SNTB1: variants seen among roughly 807,000 people sequenced by gnomAD.
SNTB1 encodes beta-1-syntrophin.
Under a neutral mutation model 48.9 loss-of-function variants are expected in SNTB1, and 36 were observed. The ratio of observed to expected loss-of-function variants is 0.74; its 90% CI spans 0.56 to 0.97. The LOEUF is 0.97. Ranked by LOEUF, SNTB1 falls within the 50% of genes least tolerant of loss-of-function variation. The pLI is 0.00. For missense variants in SNTB1, 786 were observed against 703.4 expected (o/e 1.12, Z -1.33); for synonymous variants, 299 against 294.6 (o/e 1.01, Z -0.15).
intron 3 of SNTB1, among the ~76,000 whole-genome samples, chr8:120,618,760 C>T (rs975736948): frequency 2.0e-5 from 3 of 152,104 alleles, no homozygotes; most frequent in African/African-American, 7.2e-5. Flanking sequence ...CCTTTCAACC[C>T]AGTTATTATT....
chr8:120,671,983 CA>C (rs1817765748), intron 2 of SNTB1, among the ~76,000 whole-genome samples: 1 of 152,214 alleles, frequency 6.6e-6, no homozygotes, highest in Non-Finnish European at 1.5e-5. Context: ...GGTGCAAAAG[CA>C]ATGTGCATTC....
intron 1 of SNTB1, among the ~76,000 whole-genome samples, chr8:120,810,216 T>C (rs1039247236): frequency 6.6e-6 from 1 of 152,002 alleles, no homozygotes; most frequent in African/African-American, 2.4e-5. Context: ...GCTGAGTAAA[T>C]AGATAAAATA....
chr8:120,716,492 C>T (rs1036958979), intron 1 of SNTB1, among the ~76,000 whole-genome samples: 1 of 152,168 alleles, frequency 6.6e-6, no homozygotes, highest in Non-Finnish European at 1.5e-5. Flanking sequence ...GACATCTATT[C>T]CAGCAGCTGA....
In SNTB1 at chr8:120,563,496, T is replaced by G. The variant is rs145937773; in HGVS notation, c.1136+11590A>C. On this transcript the variant is annotated intron_variant, in intron 4 of 6. Coordinates refer to ENST00000517992, the MANE Select transcript of SNTB1 (RefSeq NM_021021.4). ...TTGGCAGTGGAAGAGGAGAGATGAC[T>G]GCTCGTAAACATCTCTGCATGGCAG... 1.5e-3 allele frequency among the ~76,000 whole-genome samples: 235 copies of G among 152,284 alleles called. 3 individuals are homozygous for G. The East Asian group carries it at 0.039, about 25-fold the overall frequency.
At chr8:120,674,141 A>G (rs1428853712) in intron 2 of SNTB1, among the ~76,000 whole-genome samples, 3 of 152,208 alleles carry the variant, frequency 2.0e-5, no homozygotes, top group Non-Finnish European at 4.4e-5. Flanking sequence ...ACCATTAAAA[A>G]ATCATTGCTG....
chr8:120,643,140 G>C (rs1817223872), intron 2 of SNTB1, among the ~76,000 whole-genome samples: 1 of 152,170 alleles, frequency 6.6e-6, no homozygotes, highest in South Asian at 2.1e-4. Context: ...CTTGCCATAT[G>C]AGCCTTTCCA....
intron 1 of SNTB1, among the ~76,000 whole-genome samples, chr8:120,707,282 A>T (rs1818393772): frequency 6.6e-6 from 1 of 152,200 alleles, no homozygotes; most frequent in Admixed American, 6.5e-5. Context: ...GTGCACACAC[A>T]AACACATCTT....
chr8:120,635,953 T>C, intron 2 of SNTB1: 2 of 545,024 alleles, frequency 3.7e-6, no homozygotes, highest in Non-Finnish European at 6.3e-6. Flanking sequence ...CTCCAAAGCT[T>C]TCAGATATGC....
intron 3 of SNTB1, among the ~76,000 whole-genome samples, chr8:120,578,703 G>C (rs1236278467): frequency 6.6e-6 from 1 of 152,192 alleles, no homozygotes; most frequent in Admixed American, 6.5e-5. Flanking sequence ...CAGAGCATGA[G>C]AGGAAAGGTT....
intron 1 of SNTB1, among the ~76,000 whole-genome samples, chr8:120,757,216 C>T (rs919814075): frequency 8.2e-5 from 12 of 145,680 alleles, no homozygotes; most frequent in Non-Finnish European, 1.3e-4. Context: ...ACAGATCTAT[C>T]GGGTTTCCCA....
chr8:120,690,050 G>T (rs2129850274), intron 2 of SNTB1, among the ~76,000 whole-genome samples: 1 of 150,234 alleles, frequency 6.7e-6, no homozygotes, highest in South Asian at 2.1e-4. Context: ...CATGGTTTCA[G>T]TTATCTGAGG....
intron 1 of SNTB1, among the ~76,000 whole-genome samples, chr8:120,802,978 A>G (rs1288577439): frequency 6.6e-6 from 1 of 152,016 alleles, no homozygotes; most frequent in Non-Finnish European, 1.5e-5. Flanking sequence ...CCTCTAAACC[A>G]CTGCACTAAC....
chr8:120,793,228 G>T (rs935268954), intron 1 of SNTB1, among the ~76,000 whole-genome samples: 1 of 151,950 alleles, frequency 6.6e-6, no homozygotes. Flanking sequence ...AGGAGAGGGT[G>T]GGGGAAAGAG....
intron 1 of SNTB1, among the ~76,000 whole-genome samples, chr8:120,719,247 G>A (rs1053474900): frequency 2.0e-5 from 3 of 152,086 alleles, no homozygotes; most frequent in Admixed American, 6.6e-5. Context: ...TGCCAGTGTC[G>A]CTAGAATATA....
At chr8:120,716,064 A>C (rs1176002115) in intron 1 of SNTB1, among the ~76,000 whole-genome samples, 1 of 152,054 alleles carries the variant, frequency 6.6e-6, no homozygotes, top group Non-Finnish European at 1.5e-5. Context: ...CATCTTTCCC[A>C]CTAGATTCTG....
rs72091757 is a variant in SNTB1, at chr8:120,681,885, A to AAAAC, written c.788+11803_788+11806dup. ...ACCTCCAGTAAAGAAGATGAAGATA[A>AAAAC]AAACAAACAAACAAACAAACAAACA... On this transcript the variant is annotated intron_variant, in intron 2 of 6. Coordinates refer to ENST00000517992, the MANE Select transcript of SNTB1 (RefSeq NM_021021.4). Among the ~76,000 whole-genome samples the AAAAC allele has an allele frequency of 1.8e-3, 268 of 151,580 alleles. 1 individual carries two copies. The highest frequency in any genetic ancestry group is 4.3e-3 in the East Asian group (22 of 5,156).
At chr8:120,590,677 TTTCTTTTC>T in intron 3 of SNTB1, among the ~76,000 whole-genome samples, 9 of 139,470 alleles carry the variant, frequency 6.5e-5, no homozygotes, top group African/African-American at 2.8e-4. Flanking sequence ...TTTGTTTTCT[TTTCTTTTC>T]TTTTTTTTTT....
At chr8:120,629,149 C>T (rs1033992367) in intron 3 of SNTB1, among the ~76,000 whole-genome samples, 1 of 152,160 alleles carries the variant, frequency 6.6e-6, no homozygotes, top group Admixed American at 6.5e-5. Flanking sequence ...TTTCTCCTCT[C>T]TTGGAGTGCA....
chr8:120,764,334 T>C (rs905815578), intron 1 of SNTB1, among the ~76,000 whole-genome samples: 6 of 152,214 alleles, frequency 3.9e-5, no homozygotes, highest in African/African-American at 1.4e-4. Context: ...ATATTCCATG[T>C]GCAGAGAAGT....
Sources: gnomAD v4.1 joint callset for allele counts (sites outside exome capture counted in the v4.1 genomes callset) on GRCh38, gnomAD v4.1.1 for gene constraint, MANE v1.5 for transcripts, NCBI Gene and HGNC (gene_info 2026-07-23, HGNC 2026-07-21) for gene names.